Variants in DLGAP2 observed in about 807,000 individuals in gnomAD.
The protein encoded by DLGAP2 is DLG associated protein 2, also known as disks large-associated protein 2.
DLGAP2 carries 26 observed loss-of-function variants against 100.3 expected under a neutral mutation model. That is an observed-to-expected ratio of 0.26 (90% confidence interval 0.19 to 0.36). DLGAP2 has a LOEUF of 0.36. Among genes scored for constraint, DLGAP2 ranks in the 10% least tolerant of loss-of-function variants. The pLI, the probability that DLGAP2 is intolerant of heterozygous loss-of-function variation, is 1.00. For synonymous variants in DLGAP2, 886 were observed against 630.1 expected (o/e 1.41, Z -6.08); for missense variants, 1,858 against 1,453.2 (o/e 1.28, Z -4.53).
intron 4 of DLGAP2, among the ~76,000 whole-genome samples, chr8:1,540,232 G>C (rs1324779468): frequency 6.6e-6 from 1 of 152,174 alleles, no homozygotes; most frequent in Non-Finnish European, 1.5e-5. Flanking sequence ...CGAAACATGG[G>C]GTGATGAGCC....
chr8:1,053,709 G>A (rs1802790556), intron 2 of DLGAP2, among the ~76,000 whole-genome samples: 1 of 152,176 alleles, frequency 6.6e-6, no homozygotes, highest in Admixed American at 6.5e-5. Flanking sequence ...TTGGGTGCTA[G>A]CAGAATGTTG....
chr8:768,337 A>G (rs1018379457), intron 1 of DLGAP2, among the ~76,000 whole-genome samples: 2 of 150,428 alleles, frequency 1.3e-5, no homozygotes, highest in Admixed American at 6.6e-5. Flanking sequence ...CAGACAAATT[A>G]CTCAAATAAC....
intron 2 of DLGAP2, among the ~76,000 whole-genome samples, chr8:1,216,000 C>G (rs996594566): frequency 1.3e-5 from 2 of 152,108 alleles, no homozygotes; most frequent in Non-Finnish European, 2.9e-5. Context: ...AGGCACATCA[C>G]CTGGAGACGT....
chr8:1,491,012 C>T (rs938200534), intron 3 of DLGAP2, among the ~76,000 whole-genome samples: 1 of 110,634 alleles, frequency 9.0e-6, no homozygotes, highest in Admixed American at 1.1e-4. Context: ...TACCCTAAAA[C>T]TTAAAGTATA....
chr8:930,299 C>G (rs377582423), intron 2 of DLGAP2, among the ~76,000 whole-genome samples: 1 of 152,220 alleles, frequency 6.6e-6, no homozygotes, highest in Non-Finnish European at 1.5e-5. Context: ...TCCACCTGCT[C>G]TGCCGGCCAC....
At position 1,222,413 on chromosome 8, in the gene DLGAP2, G is replaced by A. The variant is rs542278479; in HGVS notation, c.74-36438G>A. ...CCTGGGGGGCTAGGACCAGTCCCAT[G>A]GCTTTGTTCTCTGGCCCCTCAAGTT... On this transcript the variant is annotated intron_variant, in intron 2 of 14. Transcript: ENST00000637795. 5.9e-5 allele frequency among the ~76,000 whole-genome samples: 9 copies of A among 152,288 alleles called. No individual in the cohort carries two copies. The East Asian group carries it at 1.7e-3, about 29-fold the overall frequency.
At chr8:1,585,443 A>C (rs1054017803) in intron 6 of DLGAP2, among the ~76,000 whole-genome samples, 1 of 152,182 alleles carries the variant, frequency 6.6e-6, no homozygotes, top group African/African-American at 2.4e-5. Context: ...CAGCCTGGGC[A>C]AAAGACCGAA....
In DLGAP2 at chr8:948,423, G is replaced by A. The variant is rs115232699; in HGVS notation, c.73+40457G>A. On this transcript the variant is annotated intron_variant, in intron 2 of 14. Coordinates refer to ENST00000637795, the MANE Select transcript of DLGAP2 (RefSeq NM_001346810.2). ...AGGAGTGGGCGAAGCGGGCGACAGG[G>A]TCCCATGCCTTCCCCTTCCTTCCTC... is the stretch of plus-strand genomic sequence containing the variant. Among the ~76,000 whole-genome samples the A allele has an allele frequency of 2.9e-3, 442 of 152,306 alleles. 3 individuals carry two copies. The highest frequency in any genetic ancestry group is 9.9e-3 in the African/African-American group (412 of 41,556).
rs6987321 is a variant in DLGAP2, at chr8:1,352,052, G to C, written c.106+93169G>C. The stretch of plus-strand genomic sequence containing the variant: ...TGTGGAAAGGCCGTGCGGGTCCTGA[G>C]TGTGTGTGGAACGGCCGTGCGGGTC... On this transcript the variant is annotated intron_variant, in intron 3 of 14. Transcript: ENST00000637795. 5.5e-4 allele frequency among the ~76,000 whole-genome samples: 21 copies of C among 38,232 alleles called. 1 individual carries two copies. Among genetic ancestry groups the C allele is most frequent in the East Asian group, 2.7e-3 (1 of 364 alleles). 25.1% of individuals were successfully genotyped at this position (38,232 alleles called of 152,430 possible).
At chr8:1,637,904 G>A (rs550135219) in intron 8 of DLGAP2, among the ~76,000 whole-genome samples, 245 of 152,298 alleles carry the variant, frequency 1.6e-3, no homozygotes, top group African/African-American at 5.5e-3. Flanking sequence ...GAGGCCTTCC[G>A]CCTGCAGGAA....
At chr8:1,311,056 A>G (rs928843600) in intron 3 of DLGAP2, among the ~76,000 whole-genome samples, 2 of 152,194 alleles carry the variant, frequency 1.3e-5, no homozygotes, top group East Asian at 3.8e-4. Flanking sequence ...AGAAAAAAAA[A>G]AGAGAACACA....
chr8:1,111,510 A>G (rs931961502), intron 2 of DLGAP2, among the ~76,000 whole-genome samples: 2 of 151,950 alleles, frequency 1.3e-5, no homozygotes, highest in Non-Finnish European at 2.9e-5. Context: ...AGGTTTAATT[A>G]AGCCCGCTAC....
At chr8:1,283,010 A>G (rs146309677) in intron 3 of DLGAP2, among the ~76,000 whole-genome samples, 6 of 116,140 alleles carry the variant, frequency 5.2e-5, no homozygotes, top group Non-Finnish European at 7.0e-5. Flanking sequence ...CCATACGGAC[A>G]TGGTGTGACC....
intron 8 of DLGAP2, among the ~76,000 whole-genome samples, chr8:1,658,925 G>A (rs1335857872): frequency 6.6e-6 from 1 of 151,906 alleles, no homozygotes. Context: ...GTGATGTTAG[G>A]GTGTCAATTT....
intron 2 of DLGAP2, among the ~76,000 whole-genome samples, chr8:1,126,515 G>A (rs550491669): frequency 6.6e-6 from 1 of 151,994 alleles, no homozygotes; most frequent in South Asian, 2.1e-4. Flanking sequence ...CGTGCTGTGC[G>A]TGGACAGGAG....
At chr8:1,198,789 G>A (rs887451691) in intron 2 of DLGAP2, among the ~76,000 whole-genome samples, 3 of 152,240 alleles carry the variant, frequency 2.0e-5, no homozygotes, top group Non-Finnish European at 4.4e-5. Context: ...TTTCCCTCGG[G>A]AGTGAGCCCT....
intron 3 of DLGAP2, among the ~76,000 whole-genome samples, chr8:1,362,262 C>G (rs1403101358): frequency 6.6e-6 from 1 of 152,010 alleles, no homozygotes; most frequent in African/African-American, 2.4e-5. Context: ...CAGCTCCACT[C>G]AGGGCCAGGC....
chr8:1,476,604 C>T (rs958763882), intron 3 of DLGAP2, among the ~76,000 whole-genome samples: 9 of 152,208 alleles, frequency 5.9e-5, no homozygotes, highest in Non-Finnish European at 2.9e-5. Context: ...GGTGACATTC[C>T]TCAGAAGCCA....
At chr8:765,377 T>C (rs543394210) in intron 1 of DLGAP2, among the ~76,000 whole-genome samples, 4 of 152,226 alleles carry the variant, frequency 2.6e-5, no homozygotes, top group African/African-American at 4.8e-5. Flanking sequence ...AAACCTGTTA[T>C]GCGGTGGATA....
Sources: allele counts gnomAD v4.1 joint callset (sites outside exome capture counted in the v4.1 genomes callset), GRCh38; gene constraint gnomAD v4.1.1; transcripts MANE v1.5; gene names NCBI Gene and HGNC (gene_info 2026-07-23, HGNC 2026-07-21).